CPQ: variants seen among roughly 807,000 people sequenced by gnomAD.
CPQ encodes the protein Ser-Met dipeptidase.
A neutral mutation model predicts 45.7 loss-of-function variants in CPQ; 37 were observed. The observed-to-expected ratio is 0.81, with a 90% CI of 0.62 to 1.07. CPQ has a LOEUF of 1.07. Ranked by LOEUF, CPQ falls within the 50% of genes least tolerant of loss-of-function variation. The pLI is 0.00. For synonymous variants in CPQ, 186 were observed against 205.8 expected, an observed-to-expected ratio of 0.90 and a Z score of 0.82; for missense variants, 537 against 572.9, an observed-to-expected ratio of 0.94 and a Z score of 0.64.
intron 5 of CPQ, among the ~76,000 whole-genome samples, chr8:96,987,303 G>C (rs1809003198): frequency 6.6e-6 from 1 of 152,112 alleles, no homozygotes. Context: ...ACTGACCACA[G>C]TCAAGTACTT....
At chr8:96,995,532 A>G (rs192603355) in intron 5 of CPQ, among the ~76,000 whole-genome samples, 100 of 152,042 alleles carry the variant, frequency 6.6e-4, no homozygotes, top group African/African-American at 2.2e-3. Context: ...GAAGTAATGC[A>G]TTTGGTTTGA....
At chr8:97,046,187 T>C (rs1810252504) in intron 6 of CPQ, among the ~76,000 whole-genome samples, 2 of 152,246 alleles carry the variant, frequency 1.3e-5, no homozygotes, top group African/African-American at 4.8e-5. Context: ...CACATCTGTA[T>C]TTTCTGCTGA....
chr8:97,035,176 C>T (rs1445298364), intron 6 of CPQ, among the ~76,000 whole-genome samples: 1 of 152,180 alleles, frequency 6.6e-6, no homozygotes, highest in Non-Finnish European at 1.5e-5. Flanking sequence ...CAGGTGTGAG[C>T]CACCACGCCC....
At chr8:96,858,987 T>G (rs1811892381) in intron 3 of CPQ, among the ~76,000 whole-genome samples, 1 of 152,184 alleles carries the variant, frequency 6.6e-6, no homozygotes, top group Non-Finnish European at 1.5e-5. Context: ...CTTCATTGTT[T>G]TTATTCTCTT....
chr8:97,081,703 A>C (rs1267748778), intron 7 of CPQ, among the ~76,000 whole-genome samples: 1 of 152,154 alleles, frequency 6.6e-6, no homozygotes, highest in Non-Finnish European at 1.5e-5. Flanking sequence ...GTGGCTGAGC[A>C]CCCATGTTTT....
intron 6 of CPQ, among the ~76,000 whole-genome samples, chr8:97,036,749 A>AATT (rs1300821503): frequency 6.6e-6 from 1 of 152,238 alleles, no homozygotes; most frequent in Non-Finnish European, 1.5e-5. Context: ...GATCTGGCAT[A>AATT]ATTATAATGA....
chr8:96,718,204 T>G (rs990756489), intron 1 of CPQ, among the ~76,000 whole-genome samples: 10 of 152,268 alleles, frequency 6.6e-5, no homozygotes, highest in African/African-American at 2.4e-4. Flanking sequence ...ATATTGTGAA[T>G]CTTAACTGGG....
chr8:96,785,385 T>C (rs990500336), intron 2 of CPQ, 55 bp downstream of exon 2: 19 of 1,357,610 alleles, frequency 1.4e-5, no homozygotes, highest in Middle Eastern at 1.9e-4. Context: ...TGTCCCTTGG[T>C]GTAATTGAGT....
intron 7 of CPQ, among the ~76,000 whole-genome samples, chr8:97,095,208 A>G (rs1010012948): frequency 1.3e-5 from 2 of 152,150 alleles, no homozygotes; most frequent in African/African-American, 2.4e-5. Flanking sequence ...CATGTGGCCA[A>G]TGTTACCACT....
intron 3 of CPQ, among the ~76,000 whole-genome samples, chr8:96,843,088 G>A (rs974494719): frequency 3.3e-5 from 5 of 151,974 alleles, no homozygotes; most frequent in Admixed American, 6.6e-5. Flanking sequence ...TGTATTTTTG[G>A]TAGAGATGGA....
intron 7 of CPQ, among the ~76,000 whole-genome samples, chr8:97,080,440 C>T (rs891717785): frequency 2.6e-5 from 4 of 152,202 alleles, no homozygotes; most frequent in African/African-American, 9.6e-5. Context: ...CTAGAAATCA[C>T]AGGAAAAACA....
At chr8:96,663,355 A>G in intron 1 of CPQ, among the ~76,000 whole-genome samples, 1 of 152,160 alleles carries the variant, frequency 6.6e-6, no homozygotes, top group East Asian at 1.9e-4. Context: ...CCAATTAAAC[A>G]CTTGTCAATG....
intron 7 of CPQ, among the ~76,000 whole-genome samples, chr8:97,107,567 G>C (rs757775135): frequency 2.0e-5 from 3 of 151,356 alleles, no homozygotes; most frequent in African/African-American, 4.9e-5. Context: ...CACCCTGTAA[G>C]GGGCTAAGGA....
intron 1 of CPQ, among the ~76,000 whole-genome samples, chr8:96,705,880 T>A (rs1809525593): frequency 6.6e-6 from 1 of 152,188 alleles, no homozygotes; most frequent in South Asian, 2.1e-4. Context: ...CATTTTTTTA[T>A]CTCATATAAT....
At position 96,692,595 on chromosome 8, in the gene CPQ, C is replaced by T. The variant is rs76885497; in HGVS notation, c.-35+47193C>T. ...CAAGACCATGAAGGCGATAACTCTA[C>T]AAGTCCACAGGAGCCACAGTTTTAC... On this transcript the variant is annotated intron_variant, in intron 1 of 7. Coordinates refer to ENST00000220763, the MANE Select transcript of CPQ (RefSeq NM_016134.4). Among the ~76,000 whole-genome samples, 374 of 152,318 alleles carry T rather than the reference C, an allele frequency of 2.5e-3. 7 individuals carry two copies. The East Asian group carries it at 0.061, about 25-fold the overall frequency.
intron 3 of CPQ, among the ~76,000 whole-genome samples, chr8:96,857,602 A>G (rs1411464406): frequency 6.6e-6 from 1 of 152,218 alleles, no homozygotes; most frequent in Non-Finnish European, 1.5e-5. Flanking sequence ...TTCTTTTACA[A>G]CTGCTGTACA....
chr8:96,773,210 T>C (rs1028354212), intron 1 of CPQ, among the ~76,000 whole-genome samples: 1 of 152,206 alleles, frequency 6.6e-6, no homozygotes, highest in African/African-American at 2.4e-5. Context: ...AATTTATTCA[T>C]GTATTCTATA....
At chr8:96,708,194 C>T (rs1189752369) in intron 1 of CPQ, among the ~76,000 whole-genome samples, 1 of 152,036 alleles carries the variant, frequency 6.6e-6, no homozygotes, top group Non-Finnish European at 1.5e-5. Flanking sequence ...CTCTCCCTTA[C>T]ACTTATAAGG....
chr8:96,989,494 A>AGGAGAGGAGAGGAGAGGAGC (rs1183173677), intron 5 of CPQ, among the ~76,000 whole-genome samples: 11 of 146,440 alleles, frequency 7.5e-5, no homozygotes, highest in Non-Finnish European at 1.2e-4. Context: ...AGGGGAGTGG[A>AGGAGAGGAGAGGAGAGGAGC]GGAGAGGAGA....
Sources: gnomAD v4.1 joint callset for allele counts (sites outside exome capture counted in the v4.1 genomes callset) on GRCh38, gnomAD v4.1.1 for gene constraint, MANE v1.5 for transcripts, NCBI Gene and HGNC (gene_info 2026-07-23, HGNC 2026-07-21) for gene names.